Variants in CLIC1 observed in about 807,000 individuals in gnomAD.
The protein encoded by CLIC1 is chloride intracellular channel protein 1.
Under a neutral mutation model 26.4 loss-of-function variants are expected in CLIC1, and 16 were observed. The ratio of observed to expected loss-of-function variants is 0.61; its 90% confidence interval spans 0.41 to 0.92. CLIC1 has a LOEUF of 0.92. Ranked by LOEUF, CLIC1 falls within the 40% of genes least tolerant of loss-of-function variation. CLIC1 has a pLI of 0.00. For synonymous variants in CLIC1, 98 were observed against 120.8 expected (o/e 0.81, Z 1.24); for missense variants, 225 against 289.7 (o/e 0.78, Z 1.62).
chr6:31,731,995 G>C (rs1562194865), intron 5 of CLIC1, among the ~76,000 whole-genome samples: 1 of 152,142 alleles, frequency 6.6e-6, no homozygotes, highest in Non-Finnish European at 1.5e-5. Flanking sequence ...TAGTCTGTTT[G>C]CACCCATGAC....
At position 31,733,605 on chromosome 6, in the gene CLIC1, A is replaced by T; in HGVS notation, c.343T>A (p.Ser115Thr). 6.2e-7 allele frequency: 1 copy of T among 1,613,088 alleles called. No homozygotes were observed. Among genetic ancestry groups the T allele is most frequent in the Non-Finnish European group, 8.5e-7 (1 of 1,180,036 alleles). The change falls in exon 4 of 6, where the codon TCT becomes ACT. Residue 115 changes from serine (S) to threonine (T), a missense_variant. Transcript: ENST00000375784. The surrounding 1 kb of genome is among the most constrained non-coding windows in gnomAD (Gnocchi z 5.4). ...GGGTTTGAATTCTTGATGTAGGCAG[A>T]AAATTTGGCAAATATGTCCAGCCCA...
At chr6:31,735,374 G>T (rs1306569520) in intron 1 of CLIC1, among the ~76,000 whole-genome samples, 1 of 151,452 alleles carries the variant, frequency 6.6e-6, no homozygotes, top group Non-Finnish European at 1.5e-5. Flanking sequence ...GTAGGGAGGG[G>T]AGCGGCCGCT....
intron 5 of CLIC1, 125 bp from the exon 6 acceptor site, chr6:31,731,128 C>A: frequency 1.4e-6 from 1 of 702,842 alleles, no homozygotes. Flanking sequence ...CTGTCGTTAG[C>A]CTTCCTTCTC....
Position 31,732,124 on chromosome 6 carries a change from C to A in CLIC1, c.564+93G>T. The A allele has an allele frequency of 9.3e-7, 1 of 1,076,604 alleles. No homozygotes were observed. 66.7% of individuals were successfully genotyped at this position (1,076,604 alleles called of 1,614,324 possible). A position where few individuals can be genotyped will look rare whatever the true frequency, so the allele number is the denominator to read the frequency against. On this transcript the variant is annotated intron_variant, in intron 5 of 5. Transcript: ENST00000375784. This position sits in a 1 kb window ranked among gnomAD's most constrained non-coding sequence, Gnocchi z 5.0. ...ATGAAAACCACCCTAAGAAAGAAAT[C>A]GTCTTTAGAGTGGTTGTCAGGGGAA...
rs971020893 is a variant in CLIC1, at chr6:31,732,317, G to T, written c.464C>A (p.Thr155Asn). 1.3e-6 allele frequency: 2 copies of T among 1,597,536 alleles called. No individual in the cohort carries two copies. Among genetic ancestry groups the T allele is most frequent in the African/African-American group, 2.7e-5 (2 of 74,388 alleles). ...AGAGACACCTTCATCTTCAGCACTG[G>T]TTTCATCCACTTCTTCTGGGAGGGG... is the stretch of plus-strand genomic sequence containing the variant. The change falls in exon 5 of 6, where the codon ACC becomes AAC. Residue 155 changes from threonine (T) to asparagine (N), a missense_variant. By Grantham distance (65) the Thr-to-Asn change is moderately conservative (BLOSUM62 0). Coordinates refer to ENST00000375784, the Ensembl canonical transcript of CLIC1. This position sits in a 1 kb window ranked among gnomAD's most constrained non-coding sequence, Gnocchi z 5.0.
At position 31,730,858 on chromosome 6, in the gene CLIC1, G is replaced by C; in HGVS notation, c.710C>G (p.Ala237Gly). 1 of 1,613,064 alleles carries C rather than the reference G, an allele frequency of 6.2e-7. No homozygotes were observed. The highest frequency in any genetic ancestry group is 2.2e-5 in the East Asian group (1 of 44,886). Residue 237 changes from alanine to glycine, a missense_variant, in exon 6 of 6, where the codon GCA becomes GGA. By Grantham distance (60) the Ala-to-Gly change is moderately conservative. Coordinates refer to ENST00000375784, the Ensembl canonical transcript of CLIC1. This position sits in a 1 kb window ranked among gnomAD's most constrained non-coding sequence, Gnocchi z 5.1. ...AGGAGGGGCTTATTTGAGGGCCTTT[G>C]CCACTTGCTCATAGGCGAGCTCGAT...
Position 31,736,416 on chromosome 6 carries a change from C to T in CLIC1, c.-116G>A. The T allele has an allele frequency of 1.3e-6, 2 of 1,560,540 alleles. No homozygotes were observed. Among genetic ancestry groups the T allele is most frequent in the Non-Finnish European group, 1.7e-6 (2 of 1,152,024 alleles). On this transcript the variant is annotated 5_prime_UTR_variant, in exon 1 of 6. Coordinates refer to ENST00000375784, the Ensembl canonical transcript of CLIC1. The surrounding 1 kb of genome is among the most constrained non-coding windows in gnomAD (Gnocchi z 5.0). The stretch of plus-strand genomic sequence containing the variant: ...TCCCCTAGACCCAGGGCTGTCCCTT[C>T]AGCACAACACAAGCTCAATCAGACC...
In CLIC1 at chr6:31,734,314, C is replaced by T. The variant is rs1287619762; in HGVS notation, c.40-51G>A. 2 of 1,387,554 alleles carry T rather than the reference C, an allele frequency of 1.4e-6. No individual in the cohort carries two copies. Among genetic ancestry groups the T allele is most frequent in the African/African-American group, 2.8e-5 (2 of 70,536 alleles). 86.0% of individuals were successfully genotyped at this position (1,387,554 alleles called of 1,614,324 possible). On this transcript the variant is annotated intron_variant, in intron 1 of 5. Coordinates refer to ENST00000375784, the Ensembl canonical transcript of CLIC1. This position sits in a 1 kb window ranked among gnomAD's most constrained non-coding sequence, Gnocchi z 5.3. ...TATGCCTGATGCACCCCACCCATCC[C>T]TAGGCCAGTCCCTGCATTCCCACTC...
Position 31,736,551 on chromosome 6 carries a change from GC to G in CLIC1, c.-252del. On this transcript the variant is annotated 5_prime_UTR_variant, in exon 1 of 6. Coordinates refer to ENST00000375784, the Ensembl canonical transcript of CLIC1. The surrounding 1 kb of genome is among the most constrained non-coding windows in gnomAD (Gnocchi z 5.0). Reference sequence around the variant, plus strand: ...CAGAGAGCCGCTGACTCACCGACCGGCCCCGCCCTGAACCTGGGGAGGGGAC... The same window carrying G: ...CAGAGAGCCGCTGACTCACCGACCGGCCCGCCCTGAACCTGGGGAGGGGAC... 7.4e-7 allele frequency: 1 copy of G among 1,354,802 alleles called. No individual in the cohort carries two copies. The highest frequency in any genetic ancestry group is 9.5e-7 in the Non-Finnish European group (1 of 1,052,242). The allele number at this position is 1,354,802 out of a possible 1,614,324, so 83.9% of individuals were successfully genotyped here.
rs912053052 is a variant in CLIC1 at position 31,736,223 on chromosome 6, T to C, written c.39+39A>G. The C allele has an allele frequency of 1.9e-6, 3 of 1,609,548 alleles. No homozygotes were observed. The highest frequency in any genetic ancestry group is 8.5e-7 in the Non-Finnish European group (1 of 1,177,174). On this transcript the variant is annotated intron_variant, in intron 1 of 5. Coordinates refer to ENST00000375784, the Ensembl canonical transcript of CLIC1. This position sits in a 1 kb window ranked among gnomAD's most constrained non-coding sequence, Gnocchi z 5.0. The stretch of plus-strand genomic sequence containing the variant: ...ACCGGGGGAAAGGTGAGAGTTGGCT[T>C]CCAGGAATTTGGGTGGCTGAGGAGA...
In CLIC1 at chr6:31,733,475, T is replaced by TA; in HGVS notation, c.382+90dup. 1.2e-6 allele frequency: 1 copy of TA among 866,024 alleles called. No homozygotes were observed. The highest frequency in any genetic ancestry group is 1.9e-6 in the Non-Finnish European group (1 of 523,014). 53.6% of individuals were successfully genotyped at this position (866,024 alleles called of 1,614,324 possible). ...ACGAACATCTGCTTCATCTCCCTGA[T>TA]ATCTGAACGTCCAGGTGCCCCTAAT... is the stretch of plus-strand genomic sequence containing the variant. On this transcript the variant is annotated intron_variant, in intron 4 of 5. Transcript: ENST00000375784. This position sits in a 1 kb window ranked among gnomAD's most constrained non-coding sequence, Gnocchi z 5.4.
chr6:31,736,328 G>C lies in CLIC1; in HGVS notation c.-28C>G. 2 of 1,612,678 alleles carry C rather than the reference G, an allele frequency of 1.2e-6. No homozygotes were observed. Among genetic ancestry groups the C allele is most frequent in the Non-Finnish European group, 1.7e-6 (2 of 1,179,952 alleles). ...TTGCGTCGGGGACCAGGAAGTGGCC[G>C]TCCCTGGGGGAACTGGGAGGGGCTG... On this transcript the variant is annotated 5_prime_UTR_variant, in exon 1 of 6. Coordinates refer to ENST00000375784, the Ensembl canonical transcript of CLIC1. The surrounding 1 kb of genome is among the most constrained non-coding windows in gnomAD (Gnocchi z 5.0).
At position 31,736,200 on chromosome 6, in the gene CLIC1, C is replaced by T. The variant is rs1168445836; in HGVS notation, c.39+62G>A. On this transcript the variant is annotated intron_variant, in intron 1 of 5. Transcript: ENST00000375784. The surrounding 1 kb of genome is among the most constrained non-coding windows in gnomAD (Gnocchi z 5.0). Reference sequence around the variant, plus strand: ...AGGGATTGGGGAGTTAAGGCTGGACCGGGGGAAAGGTGAGAGTTGGCTTCC... The same window carrying T: ...AGGGATTGGGGAGTTAAGGCTGGACTGGGGGAAAGGTGAGAGTTGGCTTCC... 71 of 1,565,234 alleles carry T rather than the reference C, an allele frequency of 4.5e-5. No individual in the cohort carries two copies. Among genetic ancestry groups the T allele is most frequent in the Non-Finnish European group, 3.9e-5 (44 of 1,137,184 alleles).
Position 31,736,187 on chromosome 6 carries a change from G to T in CLIC1, c.39+75C>A. ...AGTCAAGGAGGGAAGGGATTGGGGAGTTAAGGCTGGACCGGGGGAAAGGTG... is the reference window on the plus strand; with the variant it reads ...AGTCAAGGAGGGAAGGGATTGGGGATTTAAGGCTGGACCGGGGGAAAGGTG... On this transcript the variant is annotated intron_variant, in intron 1 of 5. Coordinates refer to ENST00000375784, the Ensembl canonical transcript of CLIC1. This position sits in a 1 kb window ranked among gnomAD's most constrained non-coding sequence, Gnocchi z 5.0. The T allele has an allele frequency of 6.6e-7, 1 of 1,512,882 alleles. No homozygotes were observed. Among genetic ancestry groups the T allele is most frequent in the Non-Finnish European group, 9.2e-7 (1 of 1,089,392 alleles). 93.7% of individuals were successfully genotyped at this position (1,512,882 alleles called of 1,614,324 possible).
Position 31,732,303 on chromosome 6 carries a change from C to G in CLIC1, c.478G>C (p.Glu160Gln). The stretch of plus-strand genomic sequence containing the variant: ...AAAAACTTCCTCTGAGAGACACCTT[C>G]ATCTTCAGCACTGGTTTCATCCACT... Residue 160 changes from glutamate to glutamine, a missense_variant, in exon 5 of 6, where the codon GAA becomes CAA. Transcript: ENST00000375784. This position sits in a 1 kb window ranked among gnomAD's most constrained non-coding sequence, Gnocchi z 5.0. 2 of 1,599,354 alleles carry G rather than the reference C, an allele frequency of 1.3e-6. No individual in the cohort carries two copies. Among genetic ancestry groups the G allele is most frequent in the Non-Finnish European group, 1.7e-6 (2 of 1,173,614 alleles).
intron 1 of CLIC1, among the ~76,000 whole-genome samples, chr6:31,735,174 C>CGG (rs1808242178): frequency 6.7e-6 from 1 of 150,284 alleles, no homozygotes; most frequent in African/African-American, 2.5e-5. Context: ...GAGACACAGG[C>CGG]AGAGACACAC....
chr6:31,734,019 G>A lies in CLIC1; in HGVS notation c.150-58C>T. 1.9e-6 allele frequency: 3 copies of A among 1,603,680 alleles called. No homozygotes were observed. In the South Asian group the frequency reaches 3.3e-5, roughly 18 times the overall value. ...TGGGGGTCAGGAAGAACCAGAAAGGGGGAATGGAGGACGTGGGATAAGAAA... is the reference window on the plus strand; with the variant it reads ...TGGGGGTCAGGAAGAACCAGAAAGGAGGAATGGAGGACGTGGGATAAGAAA... On this transcript the variant is annotated intron_variant, in intron 2 of 5. Coordinates refer to ENST00000375784, the Ensembl canonical transcript of CLIC1. The surrounding 1 kb of genome is among the most constrained non-coding windows in gnomAD (Gnocchi z 5.3).
chr6:31,736,482 C>T lies in CLIC1; in HGVS notation c.-182G>A, dbSNP rs988018542. 9.9e-6 allele frequency: 14 copies of T among 1,409,258 alleles called. No homozygotes were observed. Among genetic ancestry groups the T allele is most frequent in the South Asian group, 1.5e-5 (1 of 64,522 alleles). 87.3% of individuals were successfully genotyped at this position (1,409,258 alleles called of 1,614,324 possible). A position where few individuals can be genotyped will look rare whatever the true frequency, so the allele number is the denominator to read the frequency against. ...TAGGCCTCCCCACCAGCCCAACGCA[C>T]CCCACACCCAGCTCCTCCAGCTCGG... On this transcript the variant is annotated 5_prime_UTR_variant, in exon 1 of 6. It adds an upstream start codon to the 5' untranslated region. Coordinates refer to ENST00000375784, the Ensembl canonical transcript of CLIC1. This position sits in a 1 kb window ranked among gnomAD's most constrained non-coding sequence, Gnocchi z 5.0.
At chr6:31,731,364 C>T (rs772048432) in intron 5 of CLIC1, among the ~76,000 whole-genome samples, 5 of 151,568 alleles carry the variant, frequency 3.3e-5, no homozygotes, top group Non-Finnish European at 7.4e-5. Flanking sequence ...TGCAATGGCG[C>T]GATCTTGGCT....
Sources: gnomAD v4.1 joint callset for allele counts (sites outside exome capture counted in the v4.1 genomes callset) on GRCh38, gnomAD v4.1.1 for gene constraint, Gnocchi (gnomAD v3.1) non-coding constraint, MANE v1.5 for transcripts, NCBI Gene and HGNC (gene_info 2026-07-23, HGNC 2026-07-21) for gene names.